The following TENM1 variants were observed in gnomAD, a reference collection of about 807,000 sequenced individuals.
TENM1 encodes the protein teneurin transmembrane protein 1, also known as teneurin-1.
A neutral mutation model predicts 174.8 loss-of-function variants in TENM1; 35 were observed. That is an observed-to-expected ratio of 0.20 (90% CI 0.15 to 0.27). The LOEUF (loss-of-function observed/expected upper bound fraction) is 0.27. TENM1 is among the 10% of genes least tolerant of loss of function. The pLI, the probability that TENM1 is intolerant of heterozygous loss-of-function variation, is 1.00. For missense variants in TENM1, 1,633 were observed against 2,130.1 expected (o/e 0.77, Z 4.59); for synonymous variants, 781 against 798.7 (o/e 0.98, Z 0.37).
At chrX:124,633,023 T>C (rs1203355668) in intron 11 of TENM1, among the ~76,000 whole-genome samples, 1 of 112,180 alleles carries the variant, frequency 8.9e-6, no homozygotes, top group Non-Finnish European at 1.9e-5. Flanking sequence ...GCTGTAGTGG[T>C]AGACACTTTC....
intron 3 of TENM1, among the ~76,000 whole-genome samples, chrX:124,850,406 A>G (rs995502687): frequency 9.0e-6 from 1 of 111,602 alleles, no homozygotes; most frequent in African/African-American, 3.3e-5. Flanking sequence ...AACCCATGTT[A>G]TAGGTAGTTC....
chrX:124,748,539 A>G (rs771382362), intron 3 of TENM1, among the ~76,000 whole-genome samples: 39 of 111,328 alleles, frequency 3.5e-4, no homozygotes, highest in Non-Finnish European at 6.4e-4. Flanking sequence ...CGTTTAGGGA[A>G]CACCTTATAT....
chrX:124,634,284 C>A (rs1221003345), intron 11 of TENM1, among the ~76,000 whole-genome samples: 1 of 111,433 alleles, frequency 9.0e-6, no homozygotes, highest in African/African-American at 3.3e-5. Context: ...GAATTTGTAG[C>A]ATTATGATAA....
At chrX:124,866,137 A>G (rs1013270945) in intron 3 of TENM1, among the ~76,000 whole-genome samples, 1 of 111,983 alleles carries the variant, frequency 8.9e-6, no homozygotes, top group Middle Eastern at 4.2e-3. Context: ...ATCAGACTTA[A>G]TCTGCACTAT....
intron 3 of TENM1, among the ~76,000 whole-genome samples, chrX:124,844,548 G>A (rs1240994703): frequency 9.0e-6 from 1 of 111,130 alleles, no homozygotes; most frequent in Admixed American, 9.6e-5. Flanking sequence ...ATATTTTTGT[G>A]CTATGTTTTG....
intron 11 of TENM1, among the ~76,000 whole-genome samples, chrX:124,611,522 T>C (rs2050276824): frequency 8.9e-6 from 1 of 111,786 alleles, no homozygotes; most frequent in Non-Finnish European, 1.9e-5. Context: ...TAAGGTACTT[T>C]TAAAGAACAT....
At chrX:124,996,933 G>A in the TENM1 span, among the ~76,000 whole-genome samples, 3 of 111,527 alleles carry the variant, frequency 2.7e-5, no homozygotes, top group Non-Finnish European at 3.8e-5. Context: ...GAGAGAAAGC[G>A]AAGTGGATGC....
At chrX:125,051,715 A>C in the TENM1 span, among the ~76,000 whole-genome samples, 1 of 103,565 alleles carries the variant, frequency 9.7e-6, no homozygotes, top group African/African-American at 3.6e-5. Context: ...AAAGACTTAA[A>C]TGTTAGACCT....
chrX:125,110,380 T>G, the TENM1 span, among the ~76,000 whole-genome samples: 1 of 111,635 alleles, frequency 9.0e-6, no homozygotes, highest in East Asian at 2.8e-4. Context: ...GTTTCTGTGA[T>G]TTCCTTCCCT....
the TENM1 span, among the ~76,000 whole-genome samples, chrX:125,196,157 G>A: frequency 4.5e-5 from 5 of 110,527 alleles, no homozygotes; most frequent in Non-Finnish European, 9.5e-5. Context: ...CTCCCTTAGC[G>A]GTCACTAGAT....
chrX:124,976,066 A>G, the TENM1 span, among the ~76,000 whole-genome samples: 1 of 111,417 alleles, frequency 9.0e-6, no homozygotes, highest in African/African-American at 3.3e-5. Context: ...CTTCTGGTAT[A>G]GGTTAAAGTT....
Position 124,470,730 on chromosome X carries a change from T to C in TENM1, c.3949+11002A>G, listed in dbSNP as rs1171932067. ...AGGTTTCTTCCTTGACTTACGGTATTGCCCCTTCAGCAGGTCTCCTGTAAC... is the reference window on the plus strand; with the variant it reads ...AGGTTTCTTCCTTGACTTACGGTATCGCCCCTTCAGCAGGTCTCCTGTAAC... On this transcript the variant is annotated intron_variant, in intron 22 of 31. Transcript: ENST00000422452. Among the ~76,000 whole-genome samples the C allele has an allele frequency of 5.4e-5, 6 of 110,719 alleles. No individual in the cohort carries two copies. The Admixed American group carries it at 5.9e-4, about 11-fold the overall frequency.
At chrX:125,169,705 T>A in the TENM1 span, among the ~76,000 whole-genome samples, 1 of 111,179 alleles carries the variant, frequency 9.0e-6, no homozygotes, top group Non-Finnish European at 1.9e-5. Flanking sequence ...CTCAGAAACA[T>A]ATAAGAGAAG....
At chrX:124,469,087 A>T (rs1327473231) in intron 22 of TENM1, among the ~76,000 whole-genome samples, 2 of 111,850 alleles carry the variant, frequency 1.8e-5, no homozygotes, top group Non-Finnish European at 3.8e-5. Flanking sequence ...CATCTCTCTG[A>T]TGTTGCAATT....
At chrX:125,136,954 G>C in the TENM1 span, among the ~76,000 whole-genome samples, 3 of 110,948 alleles carry the variant, frequency 2.7e-5, no homozygotes, top group Admixed American at 9.6e-5. Context: ...TGTAGACCAC[G>C]GTTCCCAAAG....
the TENM1 span, among the ~76,000 whole-genome samples, chrX:125,018,756 A>G: frequency 2.7e-5 from 3 of 111,385 alleles, no homozygotes; most frequent in Non-Finnish European, 5.7e-5. Context: ...ATTGCTTTAT[A>G]AAGAATTACT....
chrX:124,751,031 A>G (rs1195919260), intron 3 of TENM1, among the ~76,000 whole-genome samples: 1 of 112,001 alleles, frequency 8.9e-6, no homozygotes. Context: ...TACATAATTT[A>G]TGTAATCTAT....
intron 23 of TENM1, among the ~76,000 whole-genome samples, chrX:124,436,702 C>A (rs1443706581): frequency 9.1e-6 from 1 of 109,843 alleles, no homozygotes; most frequent in Non-Finnish European, 1.9e-5. Flanking sequence ...CTGGCATCTT[C>A]TTCTCAGAGG....
At chrX:124,866,098 T>A (rs1389086436) in intron 3 of TENM1, among the ~76,000 whole-genome samples, 2 of 111,899 alleles carry the variant, frequency 1.8e-5, no homozygotes, top group African/African-American at 6.5e-5. Context: ...ATTGGACAGA[T>A]CTTCCAGACA....
Sources: allele counts gnomAD v4.1 joint callset (sites outside exome capture counted in the v4.1 genomes callset), GRCh38; gene constraint gnomAD v4.1.1; transcripts MANE v1.5; gene names NCBI Gene and HGNC (gene_info 2026-07-23, HGNC 2026-07-21).